PPP3CA: variants seen among roughly 807,000 people sequenced by gnomAD.
The protein encoded by PPP3CA is protein phosphatase 3 catalytic subunit alpha.
Under a neutral mutation model 66.5 loss-of-function variants are expected in PPP3CA, and 14 were observed. The observed-to-expected ratio is 0.21, with a 90% CI of 0.14 to 0.33. The LOEUF (loss-of-function observed/expected upper bound fraction) is 0.33, where lower values mean the gene tolerates loss of function less well. PPP3CA is among the 10% of genes least tolerant of loss of function. PPP3CA has a pLI of 1.00. For synonymous variants in PPP3CA, 232 were observed against 226.2 expected (o/e 1.03, Z -0.23); for missense variants, 317 against 639.5 (o/e 0.50, Z 5.44).
intron 1 of PPP3CA, among the ~76,000 whole-genome samples, chr4:101,304,953 T>G (rs879865691): frequency 5.9e-5 from 9 of 152,208 alleles, no homozygotes; most frequent in Non-Finnish European, 1.3e-4. Flanking sequence ...GAAAATTAAC[T>G]GAAATGTCAA....
At position 101,191,081 on chromosome 4, in the gene PPP3CA, G is replaced by C. The variant is rs187600976; in HGVS notation, c.259+4835C>G. Among the ~76,000 whole-genome samples the C allele has an allele frequency of 3.8e-3, 581 of 152,298 alleles. 5 individuals are homozygous for C. Among genetic ancestry groups the C allele is most frequent in the African/African-American group, 0.013 (554 of 41,568 alleles). ...TACCCGCTATGAGACTTCAGTTTAG[G>C]TTCTTAAACCAATGAATCCCACAGT... On this transcript the variant is annotated intron_variant, in intron 2 of 13. Transcript: ENST00000394854.
intron 2 of PPP3CA, among the ~76,000 whole-genome samples, chr4:101,169,825 A>T (rs573092162): frequency 6.6e-6 from 1 of 152,268 alleles, no homozygotes; most frequent in Non-Finnish European, 1.5e-5. Flanking sequence ...GCTGACTCAG[A>T]AATAATTTAC....
At chr4:101,122,384 TTGTA>T (rs1224708614) in intron 2 of PPP3CA, among the ~76,000 whole-genome samples, 1 of 152,114 alleles carries the variant, frequency 6.6e-6, no homozygotes, top group African/African-American at 2.4e-5. Context: ...TAAGAGCTCT[TTGTA>T]TGTGTGTGTG....
At chr4:101,098,755 G>C (rs1730312364) in intron 4 of PPP3CA, among the ~76,000 whole-genome samples, 1 of 151,820 alleles carries the variant, frequency 6.6e-6, no homozygotes, top group African/African-American at 2.4e-5. Flanking sequence ...GTTTTGTATA[G>C]CAAGAGAATT....
intron 1 of PPP3CA, among the ~76,000 whole-genome samples, chr4:101,273,547 G>A (rs1190466601): frequency 1.3e-5 from 2 of 152,108 alleles, no homozygotes; most frequent in Non-Finnish European, 2.9e-5. Flanking sequence ...GGCTGGTCTC[G>A]AACTCCTGAC....
intron 1 of PPP3CA, among the ~76,000 whole-genome samples, chr4:101,320,370 G>T (rs960218188): frequency 2.0e-5 from 3 of 151,828 alleles, no homozygotes; most frequent in Non-Finnish European, 4.4e-5. Flanking sequence ...ACAGTATTAT[G>T]TACTAAAGGA....
chr4:101,075,437 C>G (rs1053444688), intron 8 of PPP3CA, among the ~76,000 whole-genome samples: 1 of 152,028 alleles, frequency 6.6e-6, no homozygotes, highest in African/African-American at 2.4e-5. Context: ...GTTACATACC[C>G]CTGGTATATA....
intron 2 of PPP3CA, among the ~76,000 whole-genome samples, chr4:101,146,147 T>C (rs1447895819): frequency 6.6e-6 from 1 of 152,210 alleles, no homozygotes; most frequent in African/African-American, 2.4e-5. Flanking sequence ...TTTTCTGTAA[T>C]TGAGTCTCTG....
chr4:101,046,055 C>T (rs1373206186), intron 10 of PPP3CA, among the ~76,000 whole-genome samples: 1 of 152,082 alleles, frequency 6.6e-6, no homozygotes, highest in Non-Finnish European at 1.5e-5. Context: ...CCTGCCCTGC[C>T]CTTCCTTTAT....
At chr4:101,101,029 CA>C (rs1386774330) in intron 3 of PPP3CA, among the ~76,000 whole-genome samples, 2 of 151,992 alleles carry the variant, frequency 1.3e-5, no homozygotes, top group African/African-American at 4.8e-5. Flanking sequence ...TTTTGTTGTT[CA>C]AGCAAGATAT....
At chr4:101,246,359 G>C (rs1025837277) in intron 1 of PPP3CA, among the ~76,000 whole-genome samples, 1 of 152,124 alleles carries the variant, frequency 6.6e-6, no homozygotes, top group Non-Finnish European at 1.5e-5. Context: ...TATTTATTCT[G>C]ATCATCTTTA....
chr4:101,138,977 T>C lies in PPP3CA; in HGVS notation c.260-29899A>G, dbSNP rs567221073. 8.5e-5 allele frequency among the ~76,000 whole-genome samples: 13 copies of C among 152,254 alleles called. No homozygotes were observed. In the East Asian group the frequency reaches 2.5e-3, roughly 29 times the overall value. Reference sequence around the variant, plus strand: ...GTGAAAAACACTTTTTAAGAAAACATTCACATATACTATTTTCCTTAATCC... The same window carrying C: ...GTGAAAAACACTTTTTAAGAAAACACTCACATATACTATTTTCCTTAATCC... On this transcript the variant is annotated intron_variant, in intron 2 of 13. Transcript: ENST00000394854.
chr4:101,304,360 CA>C lies in PPP3CA; in HGVS notation c.58+42378del, dbSNP rs1728472316. Among the ~76,000 whole-genome samples, 16 of 152,228 alleles carry C rather than the reference CA, an allele frequency of 1.1e-4. 1 individual carries two copies. The highest frequency in any genetic ancestry group is 3.6e-4 in the African/African-American group (15 of 41,550). On this transcript the variant is annotated intron_variant, in intron 1 of 13. Transcript: ENST00000394854. The stretch of plus-strand genomic sequence containing the variant: ...TAATGGAAATGTCATTTCTTCATTT[CA>C]GTAAGGTTCACTATGTACTGGAACC...
At chr4:101,234,703 G>C (rs1726072429) in intron 1 of PPP3CA, among the ~76,000 whole-genome samples, 2 of 151,584 alleles carry the variant, frequency 1.3e-5, no homozygotes, top group Non-Finnish European at 2.9e-5. Flanking sequence ...AACTAAAAGA[G>C]ACTCCAACCA....
At chr4:101,321,426 A>G (rs936187129) in intron 1 of PPP3CA, among the ~76,000 whole-genome samples, 1 of 152,262 alleles carries the variant, frequency 6.6e-6, no homozygotes, top group African/African-American at 2.4e-5. Context: ...GCAATATTAC[A>G]TCACTAAAAC....
At chr4:101,132,064 A>C (rs529353327) in intron 2 of PPP3CA, among the ~76,000 whole-genome samples, 4 of 152,230 alleles carry the variant, frequency 2.6e-5, no homozygotes. Flanking sequence ...ATGAGAACAA[A>C]GACACAATGT....
At chr4:101,141,421 C>T (rs1165401881) in intron 2 of PPP3CA, among the ~76,000 whole-genome samples, 2 of 152,000 alleles carry the variant, frequency 1.3e-5, no homozygotes, top group Non-Finnish European at 2.9e-5. Context: ...TGTGTTATGG[C>T]CCCCACTCCT....
At chr4:101,188,248 A>T (rs1323998103) in intron 2 of PPP3CA, among the ~76,000 whole-genome samples, 2 of 152,144 alleles carry the variant, frequency 1.3e-5, no homozygotes, top group Non-Finnish European at 2.9e-5. Context: ...AAAAGCAGTG[A>T]AATAAAATGG....
intron 3 of PPP3CA, among the ~76,000 whole-genome samples, chr4:101,105,630 A>G (rs1730631592): frequency 6.6e-6 from 1 of 152,186 alleles, no homozygotes; most frequent in Non-Finnish European, 1.5e-5. Flanking sequence ...ATTAAAGAAT[A>G]TTATCCAAAG....
Sources: gnomAD v4.1 joint callset for allele counts (sites outside exome capture counted in the v4.1 genomes callset) on GRCh38, gnomAD v4.1.1 for gene constraint, MANE v1.5 for transcripts, NCBI Gene and HGNC (gene_info 2026-07-23, HGNC 2026-07-21) for gene names.